ZNF362: variants seen among roughly 807,000 people sequenced by gnomAD.
ZNF362 encodes rotund homolog.
Under a neutral mutation model 42.9 loss-of-function variants are expected in ZNF362, and 11 were observed. The observed-to-expected ratio is 0.26, with a 90% confidence interval of 0.16 to 0.42. ZNF362 has a LOEUF of 0.42. Among genes scored for constraint, ZNF362 ranks in the 20% least tolerant of loss-of-function variants. The pLI is 1.00. For missense variants in ZNF362, 362 were observed against 576.2 expected (o/e 0.63, Z 3.81); for synonymous variants, 255 against 257.3 (o/e 0.99, Z 0.09).
At chr1:33,209,296 T>C in the ZNF362 span, among the ~76,000 whole-genome samples, 38 of 152,338 alleles carry the variant, frequency 2.5e-4, no homozygotes, top group African/African-American at 8.7e-4. Context: ...GATAAGCTTT[T>C]AGATGTGCTG....
chr1:33,162,130 C>T, the ZNF362 span, among the ~76,000 whole-genome samples: 1 of 152,180 alleles, frequency 6.6e-6, no homozygotes, highest in Non-Finnish European at 1.5e-5. Context: ...TCAGAGTGAT[C>T]CTTCTAAAGT....
At chr1:33,257,115 A>G (rs2148055185) in intron 1 of ZNF362, among the ~76,000 whole-genome samples, 1 of 152,064 alleles carries the variant, frequency 6.6e-6, no homozygotes, top group Admixed American at 6.5e-5. Context: ...TCTGCAGAAT[A>G]TGGCGTCCCT....
intron 2 of ZNF362, among the ~76,000 whole-genome samples, chr1:33,273,588 C>T (rs541744010): frequency 6.6e-6 from 1 of 152,188 alleles, no homozygotes; most frequent in Non-Finnish European, 1.5e-5. Flanking sequence ...AGGAGTGAGG[C>T]AGGGTAGCCT....
the ZNF362 span, among the ~76,000 whole-genome samples, chr1:33,196,721 A>G: frequency 2.4e-4 from 36 of 152,334 alleles, no homozygotes; most frequent in African/African-American, 7.9e-4. Context: ...ATTATCAAGT[A>G]TTATGTACTG....
the ZNF362 span, among the ~76,000 whole-genome samples, chr1:33,222,284 C>T: frequency 1.3e-5 from 2 of 152,114 alleles, no homozygotes; most frequent in South Asian, 2.1e-4. Flanking sequence ...TCCTTTTGGC[C>T]CCCCACCAAC....
the ZNF362 span, among the ~76,000 whole-genome samples, chr1:33,246,298 G>A: frequency 6.6e-6 from 1 of 152,158 alleles, no homozygotes; most frequent in African/African-American, 2.4e-5. Flanking sequence ...CTGCCCTCTT[G>A]TCATGGGATG....
intron 1 of ZNF362, among the ~76,000 whole-genome samples, chr1:33,264,654 C>G (rs751981892): frequency 2.6e-5 from 4 of 152,122 alleles, no homozygotes. Flanking sequence ...TCCAGGAGCC[C>G]AGACTATGAT....
At chr1:33,224,608 C>G in the ZNF362 span, among the ~76,000 whole-genome samples, 1 of 151,714 alleles carries the variant, frequency 6.6e-6, no homozygotes, top group South Asian at 2.1e-4. Flanking sequence ...TTTGAAGAGA[C>G]CTATAATTGC....
intron 1 of ZNF362, among the ~76,000 whole-genome samples, chr1:33,260,754 AC>A (rs1195423600): frequency 6.6e-6 from 1 of 152,130 alleles, no homozygotes. Flanking sequence ...AGATAAAGTT[AC>A]ACTGAGGGCT....
At chr1:33,218,431 CA>C in the ZNF362 span, among the ~76,000 whole-genome samples, 31 of 150,398 alleles carry the variant, frequency 2.1e-4, no homozygotes, top group South Asian at 8.4e-4. Context: ...GACCCTGTCT[CA>C]AAAAAAAATG....
the ZNF362 span, among the ~76,000 whole-genome samples, chr1:33,245,190 C>T: frequency 9.7e-4 from 147 of 152,242 alleles, no homozygotes; most frequent in African/African-American, 3.2e-3. Context: ...TGGGTCTGAC[C>T]GATGACCCTT....
the ZNF362 span, among the ~76,000 whole-genome samples, chr1:33,250,852 GGAAGAA>G: frequency 0.013 from 1,818 of 137,572 alleles, 11 homozygotes; most frequent in Middle Eastern, 0.029. Flanking sequence ...GAAGAAAGAA[GGAAGAA>G]GAAGAAGAAG....
the ZNF362 span, among the ~76,000 whole-genome samples, chr1:33,154,495 T>C: frequency 6.6e-6 from 1 of 151,870 alleles, no homozygotes; most frequent in Non-Finnish European, 1.5e-5. Context: ...TTTTTTTTTC[T>C]TAATTAAATT....
chr1:33,241,094 C>G, the ZNF362 span, among the ~76,000 whole-genome samples: 3 of 148,716 alleles, frequency 2.0e-5, no homozygotes, highest in Non-Finnish European at 4.5e-5. Flanking sequence ...TTCCCCCGCC[C>G]CGCCCCACTC....
the ZNF362 span, among the ~76,000 whole-genome samples, chr1:33,223,893 C>CAA: frequency 7.0e-5 from 6 of 85,424 alleles, no homozygotes; most frequent in Admixed American, 1.3e-4. Context: ...AACTCCATCT[C>CAA]AAAAAAAAAA....
chr1:33,286,378 G>C (rs1276009471), intron 6 of ZNF362, among the ~76,000 whole-genome samples: 1 of 150,770 alleles, frequency 6.6e-6, no homozygotes, highest in East Asian at 1.9e-4. Flanking sequence ...AATATTATTT[G>C]AGAACATGAC....
chr1:33,219,852 C>T, the ZNF362 span, among the ~76,000 whole-genome samples: 1 of 152,140 alleles, frequency 6.6e-6, no homozygotes, highest in Admixed American at 6.5e-5. Context: ...TAATTCAAGC[C>T]AAGGGAGGAA....
At chr1:33,260,307 C>G (rs1645820737) in intron 1 of ZNF362, among the ~76,000 whole-genome samples, 1 of 152,256 alleles carries the variant, frequency 6.6e-6, no homozygotes, top group African/African-American at 2.4e-5. Flanking sequence ...TCAACCTTGG[C>G]TCCCCGCATC....
rs368309799 is a variant in ZNF362, at chr1:33,257,092, C to T, written c.-89+438C>T. Among the ~76,000 whole-genome samples the T allele has an allele frequency of 5.3e-5, 8 of 152,236 alleles. No homozygotes were observed. The East Asian group carries it at 9.7e-4, about 18-fold the overall frequency. On this transcript the variant is annotated intron_variant, in intron 1 of 8. Transcript: ENST00000539719. Reference sequence around the variant, plus strand: ...GGAGCAGCCAGTGCCGGATTTCTCCCTTTTTTTGCAGATCTGCAGAATATG... The same window carrying T: ...GGAGCAGCCAGTGCCGGATTTCTCCTTTTTTTTGCAGATCTGCAGAATATG...
Sources: allele counts gnomAD v4.1 joint callset (sites outside exome capture counted in the v4.1 genomes callset), GRCh38; gene constraint gnomAD v4.1.1; transcripts MANE v1.5; gene names NCBI Gene and HGNC (gene_info 2026-07-23, HGNC 2026-07-21).